Variants in ASH2L observed in about 807,000 individuals in gnomAD.
ASH2L encodes the protein set1/Ash2 histone methyltransferase complex subunit ASH2.
ASH2L carries 30 observed loss-of-function variants against 81.1 expected under a neutral mutation model. The observed-to-expected ratio is 0.37, with a 90% CI of 0.28 to 0.50. ASH2L has a LOEUF of 0.50. Among genes scored for constraint, ASH2L ranks in the 20% least tolerant of loss-of-function variants. The probability of loss-of-function intolerance (pLI) is 0.95; values close to 1 mark genes in which losing one functional copy is unlikely to be tolerated. For synonymous variants in ASH2L, 273 were observed against 279.9 expected, an observed-to-expected ratio of 0.98 and a Z score of 0.24; for missense variants, 559 against 792.1, an observed-to-expected ratio of 0.71 and a Z score of 3.53.
chr8:38,126,173 A>G (rs974382181), intron 10 of ASH2L, among the ~76,000 whole-genome samples: 4 of 151,926 alleles, frequency 2.6e-5, no homozygotes, highest in Non-Finnish European at 5.9e-5. Flanking sequence ...ATCACACTCC[A>G]GCCTGGATGA....
chr8:38,116,885 G>T (rs906118354), intron 8 of ASH2L, among the ~76,000 whole-genome samples, 160 bp downstream of exon 8: 6 of 152,252 alleles, frequency 3.9e-5, no homozygotes, highest in African/African-American at 1.4e-4. Context: ...GGATTTGGCA[G>T]ATGGTAATAG....
chr8:38,117,064 G>C (rs941125846), intron 8 of ASH2L, among the ~76,000 whole-genome samples: 2 of 152,146 alleles, frequency 1.3e-5, no homozygotes, highest in African/African-American at 4.8e-5. Flanking sequence ...CTGCAATTCA[G>C]CTGTTACTTT....
At chr8:38,110,557 A>G in intron 4 of ASH2L, 90 bp downstream of exon 4, 2 of 1,320,216 alleles carry the variant, frequency 1.5e-6, no homozygotes, top group Non-Finnish European at 1.1e-6. Context: ...ACCTTTGCCT[A>G]GTAGCTGGTA....
At chr8:38,133,676 C>T (rs948059832) in intron 13 of ASH2L, 130 bp downstream of exon 13, 8 of 672,214 alleles carry the variant, frequency 1.2e-5, no homozygotes, top group East Asian at 8.2e-5. Flanking sequence ...CACTGGCCAG[C>T]GGCAAGCTCA....
intron 4 of ASH2L, 65 bp from the exon 5 acceptor site, chr8:38,110,674 G>A: frequency 7.3e-7 from 1 of 1,365,678 alleles, no homozygotes; most frequent in Non-Finnish European, 1.0e-6. Context: ...CACTTATCGA[G>A]TATTCCCTTG....
chr8:38,111,224 C>T (rs1810667366), intron 5 of ASH2L, among the ~76,000 whole-genome samples: 1 of 152,108 alleles, frequency 6.6e-6, no homozygotes, highest in Non-Finnish European at 1.5e-5. Flanking sequence ...AGCCACCGCA[C>T]CTGGACTGTT....
At chr8:38,117,756 A>G (rs1411778645) in intron 8 of ASH2L, 2 of 152,310 alleles carry the variant, frequency 1.3e-5, no homozygotes, top group Non-Finnish European at 2.9e-5. Flanking sequence ...AATGCAAATG[A>G]CAATTAAAAA....
chr8:38,111,671 C>A (rs1223708479), intron 5 of ASH2L, among the ~76,000 whole-genome samples: 1 of 152,186 alleles, frequency 6.6e-6, no homozygotes, highest in African/African-American at 2.4e-5. Flanking sequence ...CAGGTGTGAG[C>A]CACTGCACCC....
intron 9 of ASH2L, among the ~76,000 whole-genome samples, chr8:38,120,281 A>G (rs1811081383): frequency 6.6e-6 from 1 of 152,224 alleles, no homozygotes; most frequent in African/African-American, 2.4e-5. Flanking sequence ...GACTTGAGAA[A>G]GGATAGGTGG....
Position 38,128,411 on chromosome 8 carries a change from A to C in ASH2L, c.1286A>C (p.Glu429Ala). Reference sequence around the variant, plus strand: ...TGGTATTTTGAAATCACTGTGGATGAGATGCCACCAGATACCGCTGCCAGA... The same window carrying C: ...TGGTATTTTGAAATCACTGTGGATGCGATGCCACCAGATACCGCTGCCAGA... ...GAWYFEITVD[E>A]MPPDTAARLG... is the part of the protein sequence containing the mutation. The change falls in exon 11 of 16, where the codon GAG becomes GCG. Residue 429 changes from glutamate to alanine, a missense_variant. By Grantham distance (107) the Glu-to-Ala change is moderately radical. Around this residue, in one of 4 missense-constraint regions of ASH2L, gnomAD observed 318 missense variants for 527.0 expected, o/e 0.60. Coordinates refer to ENST00000343823, the MANE Select transcript of ASH2L (RefSeq NM_004674.5). The C allele has an allele frequency of 1.2e-6, 2 of 1,614,174 alleles. No individual in the cohort carries two copies. Among genetic ancestry groups the C allele is most frequent in the East Asian group, 2.2e-5 (1 of 44,890 alleles).
chr8:38,117,466 G>A (rs1810954028), intron 8 of ASH2L: 6 of 985,242 alleles, frequency 6.1e-6, no homozygotes, highest in African/African-American at 1.7e-5. Context: ...AGCCACTTTT[G>A]GAGGTGAATT....
At chr8:38,109,332 G>T (rs1433815746) in intron 3 of ASH2L, among the ~76,000 whole-genome samples, 1 of 152,212 alleles carries the variant, frequency 6.6e-6, no homozygotes, top group Non-Finnish European at 1.5e-5. Flanking sequence ...TGTAACATTT[G>T]TAAGAATGTT....
chr8:38,116,400 G>A (rs1187185846), intron 7 of ASH2L, among the ~76,000 whole-genome samples: 3 of 151,978 alleles, frequency 2.0e-5, no homozygotes, highest in Non-Finnish European at 4.4e-5. Context: ...AGGCGTGTTG[G>A]TGTGTGCCTA....
At chr8:38,135,067 A>T (rs552844021) in intron 13 of ASH2L, among the ~76,000 whole-genome samples, 116 of 151,886 alleles carry the variant, frequency 7.6e-4, no homozygotes, top group African/African-American at 2.0e-3. Context: ...AAAAAAAAAA[A>T]TTTTGTAGAG....
At position 38,121,351 on chromosome 8, in the gene ASH2L, A is replaced by T. The variant is rs866276908; in HGVS notation, c.1165+202A>T. On this transcript the variant is annotated intron_variant, in intron 10 of 15. Transcript: ENST00000343823. The stretch of plus-strand genomic sequence containing the variant: ...GTTTTATTTATATATATATATATAT[A>T]TATATATATATATATATATATATAT... 8.9e-3 allele frequency among the ~76,000 whole-genome samples: 1,217 copies of T among 137,086 alleles called. 41 individuals carry two copies. Among genetic ancestry groups the T allele is most frequent in the African/African-American group, 0.03 (1,110 of 37,124 alleles). 89.9% of individuals were successfully genotyped at this position (137,086 alleles called of 152,430 possible). A position where few individuals can be genotyped will look rare whatever the true frequency, so the allele number is the denominator to read the frequency against.
chr8:38,109,814 T>C (rs1246918819), intron 3 of ASH2L, among the ~76,000 whole-genome samples: 1 of 152,204 alleles, frequency 6.6e-6, no homozygotes, highest in East Asian at 1.9e-4. Flanking sequence ...ACCATAGAGA[T>C]ACACCTTAGA....
In ASH2L at chr8:38,106,362, T is replaced by C; in HGVS notation, c.189-16T>C. 5 of 1,612,888 alleles carry C rather than the reference T, an allele frequency of 3.1e-6. No individual in the cohort carries two copies. Among genetic ancestry groups the C allele is most frequent in the Non-Finnish European group, 4.2e-6 (5 of 1,179,130 alleles). On this transcript the variant is annotated splice_polypyrimidine_tract_variant and intron_variant, in intron 1 of 15. Transcript: ENST00000343823. ...GTCTTGAGAATTCTTACTTGAGCGC[T>C]TTCATTATCTTATAGGGAGGCAAAC...
chr8:38,122,777 A>G (rs1236345839), intron 10 of ASH2L, among the ~76,000 whole-genome samples: 1 of 152,200 alleles, frequency 6.6e-6, no homozygotes, highest in East Asian at 1.9e-4. Context: ...TAGAGATCAG[A>G]GTCTCACTCA....
chr8:38,125,508 TA>T (rs1020014974), intron 10 of ASH2L, among the ~76,000 whole-genome samples: 17 of 151,148 alleles, frequency 1.1e-4, no homozygotes, highest in African/African-American at 3.7e-4. Flanking sequence ...CTCGGGAGGC[TA>T]AGACAGGAGA....
Sources: gnomAD v4.1 joint callset for allele counts (sites outside exome capture counted in the v4.1 genomes callset) on GRCh38, gnomAD v4.1.1 for gene constraint, gnomAD v4.1.1 regional missense constraint, MANE v1.5 for transcripts, NCBI Gene and HGNC (gene_info 2026-07-23, HGNC 2026-07-21) for gene names.